Variants in SORCS3 observed in about 807,000 individuals in gnomAD.
The protein encoded by SORCS3 is sortilin related VPS10 domain containing receptor 3, also known as VPS10 domain-containing receptor SorCS3.
SORCS3 carries 57 observed loss-of-function variants against 146.3 expected under a neutral mutation model. The observed-to-expected ratio is 0.39, with a 90% CI of 0.31 to 0.49. The LOEUF (loss-of-function observed/expected upper bound fraction) is 0.49, where lower values mean the gene tolerates loss of function less well. SORCS3 is among the 20% of genes least tolerant of loss of function. The pLI is 0.92. For synonymous variants in SORCS3, 653 were observed against 618.5 expected, an observed-to-expected ratio of 1.06 and a Z score of -0.83; for missense variants, 1,341 against 1,575.5, an observed-to-expected ratio of 0.85 and a Z score of 2.52.
At chr10:105,016,382 C>T (rs2055168070) in intron 4 of SORCS3, among the ~76,000 whole-genome samples, 1 of 149,496 alleles carries the variant, frequency 6.7e-6, no homozygotes, top group Non-Finnish European at 1.5e-5. Context: ...ATCTCTTGTC[C>T]TCATGATCCA....
chr10:105,198,200 G>A (rs1004538811), intron 14 of SORCS3, among the ~76,000 whole-genome samples: 5 of 152,120 alleles, frequency 3.3e-5, no homozygotes, highest in East Asian at 1.9e-4. Context: ...CTGACATGAC[G>A]TTTTTTGTGA....
chr10:104,902,348 G>T (rs2018860320), intron 2 of SORCS3, among the ~76,000 whole-genome samples: 1 of 152,164 alleles, frequency 6.6e-6, no homozygotes, highest in Admixed American at 6.5e-5. Context: ...CCCATCTCTG[G>T]AAAAGTGCTG....
chr10:104,831,077 C>T (rs991531114), intron 1 of SORCS3, among the ~76,000 whole-genome samples: 39 of 152,064 alleles, frequency 2.6e-4, no homozygotes, highest in Admixed American at 2.1e-3. Flanking sequence ...ACTCTCACCT[C>T]GGCCTCCTAA....
At chr10:105,213,305 A>G (rs1189170279) in intron 17 of SORCS3, among the ~76,000 whole-genome samples, 2 of 152,232 alleles carry the variant, frequency 1.3e-5, no homozygotes, top group Non-Finnish European at 2.9e-5. Flanking sequence ...CCCAGGGAAA[A>G]TGTCAGGTAT....
chr10:105,262,888 C>T (rs2056970293), intron 26 of SORCS3, among the ~76,000 whole-genome samples: 1 of 152,158 alleles, frequency 6.6e-6, no homozygotes, highest in Admixed American at 6.5e-5. Context: ...CCTCTCTGTG[C>T]CTCAAATTCC....
Position 104,796,885 on chromosome 10 carries a change from A to G in SORCS3, c.628-45907A>G, listed in dbSNP as rs187041582. Among the ~76,000 whole-genome samples the G allele has an allele frequency of 2.0e-5, 3 of 152,278 alleles. No homozygotes were observed. In the East Asian group the frequency reaches 5.8e-4, roughly 29 times the overall value. ...TTTTTGCACAGACACACTCCAGACTATTTACTATTCTTGTTGAAGTCTTTG... is the reference window on the plus strand; with the variant it reads ...TTTTTGCACAGACACACTCCAGACTGTTTACTATTCTTGTTGAAGTCTTTG... On this transcript the variant is annotated intron_variant, in intron 1 of 26. Transcript: ENST00000369701.
chr10:105,261,813 A>G (rs1322533258), intron 25 of SORCS3, among the ~76,000 whole-genome samples: 1 of 152,218 alleles, frequency 6.6e-6, no homozygotes, highest in Admixed American at 6.5e-5. Flanking sequence ...TGAACAGATG[A>G]GGAAACTATC....
intron 2 of SORCS3, among the ~76,000 whole-genome samples, chr10:104,878,136 T>G (rs182600860): frequency 6.6e-6 from 1 of 152,288 alleles, no homozygotes; most frequent in East Asian, 1.9e-4. Flanking sequence ...ACCATAGAGA[T>G]TTTCACAATT....
chr10:104,813,921 T>TTTTC (rs1426554677), intron 1 of SORCS3, among the ~76,000 whole-genome samples: 2 of 150,090 alleles, frequency 1.3e-5, no homozygotes, highest in South Asian at 2.1e-4. Context: ...GGGAGTTTTC[T>TTTTC]TTTCTTTCTT....
intron 4 of SORCS3, among the ~76,000 whole-genome samples, chr10:104,993,388 C>T (rs1379818445): frequency 1.3e-5 from 2 of 152,202 alleles, no homozygotes; most frequent in African/African-American, 4.8e-5. Flanking sequence ...CTACCAGTAG[C>T]TGTCTGAGTA....
At chr10:104,680,965 G>C (rs1196579922) in intron 1 of SORCS3, among the ~76,000 whole-genome samples, 1 of 152,234 alleles carries the variant, frequency 6.6e-6, no homozygotes, top group African/African-American at 2.4e-5. Context: ...GGGGAACAGA[G>C]AGCAGGAGGG....
At chr10:105,186,788 G>A (rs1589678985) in intron 14 of SORCS3, among the ~76,000 whole-genome samples, 3 of 151,676 alleles carry the variant, frequency 2.0e-5, no homozygotes, top group African/African-American at 4.9e-5. Context: ...GGAGGCTGAG[G>A]TGGGAGAATC....
At position 104,885,592 on chromosome 10, in the gene SORCS3, T is replaced by G. The variant is rs553416628; in HGVS notation, c.696-30241T>G. On this transcript the variant is annotated intron_variant, in intron 2 of 26. Coordinates refer to ENST00000369701, the MANE Select transcript of SORCS3 (RefSeq NM_014978.3). ...AGTATTAATGCTTAGGAGAAAAACTTTTTCCCTCAAATATAGAATGCATAA... is the reference window on the plus strand; with the variant it reads ...AGTATTAATGCTTAGGAGAAAAACTGTTTCCCTCAAATATAGAATGCATAA... 3.2e-4 allele frequency among the ~76,000 whole-genome samples: 49 copies of G among 152,224 alleles called. No homozygotes were observed. In the East Asian group the frequency reaches 6.8e-3, roughly 21 times the overall value.
chr10:104,717,650 T>C (rs1470497974), intron 1 of SORCS3, among the ~76,000 whole-genome samples: 1 of 152,178 alleles, frequency 6.6e-6, no homozygotes, highest in African/African-American at 2.4e-5. Context: ...ACCACCTGCA[T>C]ATTGTGCTTG....
At chr10:105,072,654 T>G (rs2055564084) in intron 5 of SORCS3, among the ~76,000 whole-genome samples, 1 of 21,462 alleles carries the variant, frequency 4.7e-5, no homozygotes, top group Non-Finnish European at 1.0e-4. Context: ...TCTTTCTCTC[T>G]CTCTCTTTTT....
intron 1 of SORCS3, among the ~76,000 whole-genome samples, chr10:104,677,264 C>T (rs1242237029): frequency 6.6e-6 from 1 of 152,206 alleles, no homozygotes; most frequent in Non-Finnish European, 1.5e-5. Context: ...GTTGCCTGAG[C>T]TTTTGGCAGC....
intron 5 of SORCS3, among the ~76,000 whole-genome samples, chr10:105,077,996 A>G (rs2055599728): frequency 6.6e-6 from 1 of 152,152 alleles, no homozygotes; most frequent in African/African-American, 2.4e-5. Context: ...GCTGGATGAG[A>G]TCCCTGAGTT....
chr10:104,672,541 G>T (rs1050807645), intron 1 of SORCS3, among the ~76,000 whole-genome samples: 1 of 151,930 alleles, frequency 6.6e-6, no homozygotes, highest in Non-Finnish European at 1.5e-5. Flanking sequence ...CTTAAGTTAG[G>T]TTATTGATTT....
rs1279567903 is a variant in SORCS3 at position 105,257,072 on chromosome 10, G to C, written c.3443+148G>C. 7.6e-6 allele frequency: 5 copies of C among 660,870 alleles called. No homozygotes were observed. In the Admixed American group the frequency reaches 1.1e-4, roughly 15 times the overall value. 40.9% of individuals were successfully genotyped at this position (660,870 alleles called of 1,614,324 possible). On this transcript the variant is annotated intron_variant, in intron 25 of 26. Coordinates refer to ENST00000369701, the MANE Select transcript of SORCS3 (RefSeq NM_014978.3). ...TTGACAATGGGTAAAAGCAAGAATGGTTGAGGGTCATGGATTAAATGGGTT... is the reference window on the plus strand; with the variant it reads ...TTGACAATGGGTAAAAGCAAGAATGCTTGAGGGTCATGGATTAAATGGGTT...
Sources: gnomAD v4.1 joint callset for allele counts (sites outside exome capture counted in the v4.1 genomes callset) on GRCh38, gnomAD v4.1.1 for gene constraint, MANE v1.5 for transcripts, NCBI Gene and HGNC (gene_info 2026-07-23, HGNC 2026-07-21) for gene names.